KCNQ1: variants seen among roughly 807,000 people sequenced by gnomAD.
KCNQ1 encodes the protein potassium voltage-gated channel subfamily KQT member 1.
KCNQ1 carries 49 observed loss-of-function variants against 72.4 expected under a neutral mutation model. The ratio of observed to expected loss-of-function variants is 0.68; its 90% confidence interval spans 0.54 to 0.86. The LOEUF (loss-of-function observed/expected upper bound fraction) is 0.86, where lower values mean the gene tolerates loss of function less well. Among genes scored for constraint, KCNQ1 ranks in the 40% least tolerant of loss-of-function variants. The pLI, the probability that KCNQ1 is intolerant of heterozygous loss-of-function variation, is 0.00. For missense variants in KCNQ1, 790 were observed against 945.1 expected, an observed-to-expected ratio of 0.84 and a Z score of 2.15; for synonymous variants, 450 against 412.6, an observed-to-expected ratio of 1.09 and a Z score of -1.10.
At chr11:2,719,241 T>C (rs935248486) in intron 11 of KCNQ1, among the ~76,000 whole-genome samples, 6 of 151,582 alleles carry the variant, frequency 4.0e-5, no homozygotes, top group African/African-American at 1.5e-4. Context: ...GCTAAAGCCA[T>C]TATCACAGGC....
intron 1 of KCNQ1, among the ~76,000 whole-genome samples, chr11:2,476,683 GAA>G (rs1846572926): frequency 6.6e-6 from 1 of 152,112 alleles, no homozygotes; most frequent in South Asian, 2.1e-4. Context: ...AATCGATTTA[GAA>G]AAGTTTTGTT....
chr11:2,540,383 CG>C (rs1564810826), intron 2 of KCNQ1, among the ~76,000 whole-genome samples: 1 of 148,570 alleles, frequency 6.7e-6, no homozygotes, highest in African/African-American at 2.6e-5. Flanking sequence ...TGCGGCCTCA[CG>C]GGGTCAGGAG....
intron 15 of KCNQ1, among the ~76,000 whole-genome samples, chr11:2,832,591 G>C (rs234861): frequency 6.6e-6 from 1 of 152,102 alleles, no homozygotes; most frequent in African/African-American, 2.4e-5. Flanking sequence ...CAGGCAAAGC[G>C]CCAAGCACCC....
rs952077825 is a variant in KCNQ1, at chr11:2,785,247, T to G, written c.1794+7210T>G. ...GCTCTTTCTGTGTCTAGTGAGATGG[T>G]CCTGTGGTTTTTATTCCTTATTCTA... On this transcript the variant is annotated intron_variant, in intron 15 of 15. Coordinates refer to ENST00000155840, the MANE Select transcript of KCNQ1 (RefSeq NM_000218.3). The surrounding 1 kb of genome is among the most constrained non-coding windows in gnomAD (Gnocchi z 4.4). 1.4e-4 allele frequency among the ~76,000 whole-genome samples: 21 copies of G among 152,014 alleles called. No individual in the cohort carries two copies. The highest frequency in any genetic ancestry group is 2.7e-4 in the Non-Finnish European group (18 of 67,846).
In KCNQ1 at chr11:2,734,508, A is replaced by G. The variant is rs987944206; in HGVS notation, c.1515-34336A>G. ...ATGGGCAGAATGTGGGGAGCAGGGT[A>G]GGACGGGCCCCTTGGCTGAGAGCCA... On this transcript the variant is annotated intron_variant, in intron 11 of 15. Transcript: ENST00000155840. The surrounding 1 kb of genome is among the most constrained non-coding windows in gnomAD (Gnocchi z 7.0). Among the ~76,000 whole-genome samples, 4 of 152,188 alleles carry G rather than the reference A, an allele frequency of 2.6e-5. No individual in the cohort carries two copies. The highest frequency in any genetic ancestry group is 5.9e-5 in the Non-Finnish European group (4 of 68,032).
chr11:2,699,624 G>GCCGAAGAACCCCCGGGGACAACCGCA (rs2133902628), intron 11 of KCNQ1: 1 of 354,828 alleles, frequency 2.8e-6, no homozygotes, highest in Non-Finnish European at 5.0e-6. Flanking sequence ...AGAGAACCGC[G>GCCGAAGAACCCCCGGGGACAACCGCA]CCGAAGAACC....
intron 12 of KCNQ1, among the ~76,000 whole-genome samples, chr11:2,770,846 C>T (rs1846583972): frequency 1.3e-5 from 2 of 152,270 alleles, no homozygotes; most frequent in Admixed American, 1.3e-4. Context: ...AGAGGCCAGC[C>T]TCCTGGCAGC....
At position 2,477,246 on chromosome 11, in the gene KCNQ1, C is replaced by G. The variant is rs1846583068; in HGVS notation, c.386+31762C>G. 6.6e-6 allele frequency among the ~76,000 whole-genome samples: 1 copy of G among 152,156 alleles called. No individual in the cohort carries two copies. The highest frequency in any genetic ancestry group is 1.5e-5 in the Non-Finnish European group (1 of 68,024). Reference sequence around the variant, plus strand: ...AAGTGTTCAAGGCAGGATGGAGATACCGTATGGGCATTCACTGGACAGTGT... The same window carrying G: ...AAGTGTTCAAGGCAGGATGGAGATAGCGTATGGGCATTCACTGGACAGTGT... On this transcript the variant is annotated intron_variant, in intron 1 of 15. Coordinates refer to ENST00000155840, the MANE Select transcript of KCNQ1 (RefSeq NM_000218.3). The surrounding 1 kb of genome is among the most constrained non-coding windows in gnomAD (Gnocchi z 5.0).
intron 11 of KCNQ1, chr11:2,694,246 G>C: frequency 2.5e-6 from 1 of 398,676 alleles, no homozygotes. Context: ...ATGCAAGCCA[G>C]GGCCTGCTGC....
chr11:2,807,132 C>G (rs1370572206), intron 15 of KCNQ1, among the ~76,000 whole-genome samples: 3 of 152,210 alleles, frequency 2.0e-5, no homozygotes, highest in African/African-American at 7.2e-5. Context: ...GCTGCTTTAG[C>G]CCGTTTGGAA....
In KCNQ1 at chr11:2,782,723, A is replaced by T. The variant is rs768517735; in HGVS notation, c.1794+4686A>T. Among the ~76,000 whole-genome samples the T allele has an allele frequency of 6.6e-6, 1 of 152,044 alleles. No individual in the cohort carries two copies. Among genetic ancestry groups the T allele is most frequent in the Admixed American group, 6.5e-5 (1 of 15,268 alleles). On this transcript the variant is annotated intron_variant, in intron 15 of 15. Coordinates refer to ENST00000155840, the MANE Select transcript of KCNQ1 (RefSeq NM_000218.3). The surrounding 1 kb of genome is among the most constrained non-coding windows in gnomAD (Gnocchi z 6.1). ...ACATTTCATTTTAGTTTCCATGTTC[A>T]TTGGCATTTATTATAATTTTAATGT...
chr11:2,837,090 G>C (rs1399978672), intron 15 of KCNQ1, among the ~76,000 whole-genome samples: 1 of 152,174 alleles, frequency 6.6e-6, no homozygotes, highest in Non-Finnish European at 1.5e-5. Flanking sequence ...GCAGGATGGG[G>C]CACGTAGGGC....
chr11:2,508,900 A>C lies in KCNQ1; in HGVS notation c.387-19028A>C, dbSNP rs1847148593. Among the ~76,000 whole-genome samples the C allele has an allele frequency of 6.6e-6, 1 of 152,222 alleles. No individual in the cohort carries two copies. The highest frequency in any genetic ancestry group is 1.5e-5 in the Non-Finnish European group (1 of 68,028). On this transcript the variant is annotated intron_variant, in intron 1 of 15. Coordinates refer to ENST00000155840, the MANE Select transcript of KCNQ1 (RefSeq NM_000218.3). The surrounding 1 kb of genome is among the most constrained non-coding windows in gnomAD (Gnocchi z 6.2). ...TGCACACAGCCTGGCCCTTGTGGGC[A>C]CTGGAGGGCACCCTACAGTCACAGA... is the stretch of plus-strand genomic sequence containing the variant.
chr11:2,688,970 G>T (rs2133889683), intron 11 of KCNQ1: 3 of 398,798 alleles, frequency 7.5e-6, no homozygotes, highest in African/African-American at 4.1e-5. Flanking sequence ...TGAGAGTAGG[G>T]GTCTGATCTG....
rs766474041 is a variant in KCNQ1, at chr11:2,825,789, C to G, written c.1795-21978C>G. ...AGTCTCCGGGTACTTTGCTCAGTAA[C>G]GGACTGGACCAGCGCGGCCTCCACG... is the stretch of plus-strand genomic sequence containing the variant. On this transcript the variant is annotated intron_variant, in intron 15 of 15. Transcript: ENST00000155840. Among the ~76,000 whole-genome samples, 4 of 152,188 alleles carry G rather than the reference C, an allele frequency of 2.6e-5. No homozygotes were observed. In the East Asian group the frequency reaches 7.7e-4, roughly 29 times the overall value.
rs145283993 is a variant in KCNQ1, at chr11:2,612,914, G to A, written c.1393+24060G>A. On this transcript the variant is annotated intron_variant, in intron 10 of 15. Coordinates refer to ENST00000155840, the MANE Select transcript of KCNQ1 (RefSeq NM_000218.3). This position sits in a 1 kb window ranked among gnomAD's most constrained non-coding sequence, Gnocchi z 5.5. ...CTGTTACTCATTTATTTGTTTGCTC[G>A]CTTGTGTATGCCTTCTCTGCATGGA... is the stretch of plus-strand genomic sequence containing the variant. 4.2e-4 allele frequency: 168 copies of A among 398,410 alleles called. No homozygotes were observed. The highest frequency in any genetic ancestry group is 2.5e-3 in the Middle Eastern group (4 of 1,588). 24.7% of individuals were successfully genotyped at this position (398,410 alleles called of 1,614,324 possible). A position where few individuals can be genotyped will look rare whatever the true frequency, so the allele number is the denominator to read the frequency against.
rs529154789 is a variant in KCNQ1, at chr11:2,848,564, G to T, written c.*561G>T. 1 of 454,196 alleles carries T rather than the reference G, an allele frequency of 2.2e-6. No individual in the cohort carries two copies. The highest frequency in any genetic ancestry group is 4.4e-6 in the Non-Finnish European group (1 of 226,786). 28.1% of individuals were successfully genotyped at this position (454,196 alleles called of 1,614,324 possible). A position where few individuals can be genotyped will look rare whatever the true frequency, so the allele number is the denominator to read the frequency against. On this transcript the variant is annotated 3_prime_UTR_variant, in exon 16 of 16. Coordinates refer to ENST00000155840, the MANE Select transcript of KCNQ1 (RefSeq NM_000218.3). ...TCAGGAAATGCTGACCCATGGGCAG[G>T]AGACTGTGGAGACTGCTCCTGAGCC...
rs1440969201 is a variant in KCNQ1 at position 2,678,589 on chromosome 11, G to A, written c.1514+16508G>A. On this transcript the variant is annotated intron_variant, in intron 11 of 15. Coordinates refer to ENST00000155840, the MANE Select transcript of KCNQ1 (RefSeq NM_000218.3). This position sits in a 1 kb window ranked among gnomAD's most constrained non-coding sequence, Gnocchi z 4.9. ...ATGTAACTTTATGATGCACTTATCT[G>A]TGTAGCAGGACTCCCCCTCATCTCC... is the stretch of plus-strand genomic sequence containing the variant. 5.0e-6 allele frequency: 2 copies of A among 398,510 alleles called. No homozygotes were observed. The highest frequency in any genetic ancestry group is 4.4e-6 in the Non-Finnish European group (1 of 226,062). 24.7% of individuals were successfully genotyped at this position (398,510 alleles called of 1,614,324 possible). A position where few individuals can be genotyped will look rare whatever the true frequency, so the allele number is the denominator to read the frequency against.
intron 11 of KCNQ1, among the ~76,000 whole-genome samples, chr11:2,765,934 A>C (rs1474787263): frequency 6.6e-6 from 1 of 152,078 alleles, no homozygotes; most frequent in Non-Finnish European, 1.5e-5. Context: ...CTACCATCTT[A>C]TGCTTCTTTT....
Sources: allele counts gnomAD v4.1 joint callset (sites outside exome capture counted in the v4.1 genomes callset), GRCh38; gene constraint gnomAD v4.1.1; non-coding constraint Gnocchi (gnomAD v3.1); transcripts MANE v1.5; gene names NCBI Gene and HGNC (gene_info 2026-07-23, HGNC 2026-07-21).